Variants in ZNF140 observed in about 807,000 individuals in gnomAD.
ZNF140 encodes zinc finger protein 140 (clone pHZ-39).
Under a neutral mutation model 12.9 loss-of-function variants are expected in ZNF140, and 13 were observed. The observed-to-expected ratio is 1.01, with a 90% CI of 0.66 to 1.60. The LOEUF is 1.60. ZNF140 is among the 40% of genes most tolerant of loss of function. ZNF140 has a pLI of 0.00. For missense variants in ZNF140, 531 were observed against 548.8 expected, an observed-to-expected ratio of 0.97 and a Z score of 0.32; for synonymous variants, 214 against 186.7, an observed-to-expected ratio of 1.15 and a Z score of -1.19.
chr12:133,092,219 A>G (rs1954916248), intron 4 of ZNF140, among the ~76,000 whole-genome samples: 1 of 151,242 alleles, frequency 6.6e-6, no homozygotes, highest in East Asian at 1.9e-4. Context: ...AGATTTAGTT[A>G]GAACTCCTTT....
chr12:133,083,445 T>G, intron 3 of ZNF140, 21 bp from the exon 4 acceptor site: 1 of 1,602,430 alleles, frequency 6.2e-7, no homozygotes, highest in Non-Finnish European at 8.5e-7. Flanking sequence ...ATCTTGAATT[T>G]ATTTCATTTT....
intron 4 of ZNF140, among the ~76,000 whole-genome samples, chr12:133,096,812 C>T (rs1330827617): frequency 2.0e-5 from 3 of 152,166 alleles, no homozygotes; most frequent in Non-Finnish European, 4.4e-5. Flanking sequence ...TCGTGAATGT[C>T]TTGGGAATTG....
At chr12:133,095,049 TG>T (rs1955019993) in intron 4 of ZNF140, among the ~76,000 whole-genome samples, 1 of 151,126 alleles carries the variant, frequency 6.6e-6, no homozygotes, top group African/African-American at 2.5e-5. Flanking sequence ...TAACTTCTTC[TG>T]TTTGAAATGG....
In ZNF140 at chr12:133,105,586, C is replaced by A; in HGVS notation, c.309C>A (p.Ile103=). The A allele has an allele frequency of 1.2e-6, 2 of 1,614,030 alleles. No individual in the cohort carries two copies. Among genetic ancestry groups the A allele is most frequent in the Non-Finnish European group, 1.7e-6 (2 of 1,180,012 alleles). ...VIYDDSSQYL[I]MERILSQGPV... ...ATGATGACTCATCCCAGTATTTGAT[C>A]ATGGAAAGAATTCTAAGTCAAGGCC... is the stretch of plus-strand genomic sequence containing the variant. Residue 103 remains isoleucine (I), a synonymous_variant, in exon 5 of 5, where the codon ATC becomes ATA. Coordinates refer to ENST00000355557, the MANE Select transcript of ZNF140 (RefSeq NM_003440.4).
At chr12:133,100,995 A>G (rs1955327082) in intron 4 of ZNF140, 1 of 455,004 alleles carries the variant, frequency 2.2e-6, no homozygotes, top group South Asian at 1.6e-5. Flanking sequence ...AGGTAACTGA[A>G]GTGGTGAAAA....
rs373143409 is a variant in ZNF140 at position 133,093,146 on chromosome 12, A to G, written c.232+9585A>G. On this transcript the variant is annotated intron_variant, in intron 4 of 4. Coordinates refer to ENST00000355557, the MANE Select transcript of ZNF140 (RefSeq NM_003440.4). ...AGGAGGATAATGATACCCAATGGAA[A>G]TGTTTATCATCATTCCTTCTTCAGG... 4.0e-3 allele frequency among the ~76,000 whole-genome samples: 603 copies of G among 151,266 alleles called. 37 individuals carry two copies. The highest frequency in any genetic ancestry group is 0.014 in the African/African-American group (555 of 40,894).
At chr12:133,083,594 T>A in intron 4 of ZNF140, 33 bp downstream of exon 4, 1 of 1,570,756 alleles carries the variant, frequency 6.4e-7, no homozygotes, top group Non-Finnish European at 8.7e-7. Flanking sequence ...GGGAAATTTT[T>A]TAAAACCACT....
intron 4 of ZNF140, among the ~76,000 whole-genome samples, chr12:133,100,366 C>T (rs1375676636): frequency 6.6e-6 from 1 of 151,882 alleles, no homozygotes; most frequent in East Asian, 1.9e-4. Context: ...ATGGGTGCTC[C>T]ATATCTTGCC....
rs1035266288 is a variant in ZNF140, at chr12:133,083,176, G to C, written c.83G>C (p.Arg28Thr). 6 of 1,614,202 alleles carry C rather than the reference G, an allele frequency of 3.7e-6. No homozygotes were observed. The highest frequency in any genetic ancestry group is 4.2e-6 in the Non-Finnish European group (5 of 1,180,026). The change falls in exon 3 of 5, where the codon AGA becomes ACA. Residue 28 changes from arginine (R) to threonine (T), a missense_variant. Coordinates refer to ENST00000355557, the MANE Select transcript of ZNF140 (RefSeq NM_003440.4). ...TGGAAATGGCTTCAGCCTGCTCAAA[G>C]AGATTTGTACAGATGTGTAATGTTG... is the stretch of plus-strand genomic sequence containing the variant. ...EEWKWLQPAQ[R>T]DLYRCVMLEN...
Position 133,100,160 on chromosome 12 carries a change from G to GTTTTTTT in ZNF140, c.233-5329_233-5323dup, listed in dbSNP as rs58610589. On this transcript the variant is annotated intron_variant, in intron 4 of 4. Transcript: ENST00000355557. Reference sequence around the variant, plus strand: ...CATCCAAAAATTTAATGCCTTTTCCGTTTTTTTTTTTTTTTTTTTTTTTTT... The same window carrying GTTTTTTT: ...CATCCAAAAATTTAATGCCTTTTCCGTTTTTTTTTTTTTTTTTTTTTTTTTTTTTTTT... 1.2e-3 allele frequency among the ~76,000 whole-genome samples: 73 copies of GTTTTTTT among 60,982 alleles called. 7 individuals are homozygous for GTTTTTTT. The highest frequency in any genetic ancestry group is 2.5e-3 in the African/African-American group (31 of 12,636). The allele number at this position is 60,982 out of a possible 152,430, so 40.0% of individuals were successfully genotyped here. A position where few individuals can be genotyped will look rare whatever the true frequency, so the allele number is the denominator to read the frequency against.
At chr12:133,094,580 T>G (rs2137533386) in intron 4 of ZNF140, among the ~76,000 whole-genome samples, 1 of 151,166 alleles carries the variant, frequency 6.6e-6, no homozygotes, top group East Asian at 1.9e-4. Flanking sequence ...GTGGAACACA[T>G]CCTATTTAAA....
chr12:133,095,831 A>C (rs1341662385), intron 4 of ZNF140, among the ~76,000 whole-genome samples: 1 of 152,154 alleles, frequency 6.6e-6, no homozygotes, highest in African/African-American at 2.4e-5. Flanking sequence ...CAAACATCTC[A>C]GCGGAGTAAA....
chr12:133,096,207 A>G lies in ZNF140; in HGVS notation c.233-9303A>G, dbSNP rs769180652. 2.4e-4 allele frequency among the ~76,000 whole-genome samples: 36 copies of G among 152,022 alleles called. 1 individual carries two copies. Among genetic ancestry groups the G allele is most frequent in the Non-Finnish European group, 4.9e-4 (33 of 67,902 alleles). The stretch of plus-strand genomic sequence containing the variant: ...TGCCCCTGGTTTATTGAGACTAGAG[A>G]ATGGCGATGACTTTTACCAAGTATA... On this transcript the variant is annotated intron_variant, in intron 4 of 4. Coordinates refer to ENST00000355557, the MANE Select transcript of ZNF140 (RefSeq NM_003440.4).
chr12:133,081,641 G>C (rs1276364007), intron 2 of ZNF140: 1 of 449,384 alleles, frequency 2.2e-6, no homozygotes, highest in Non-Finnish European at 4.5e-6. Flanking sequence ...TACATGAAGA[G>C]AGTGACAGGA....
intron 4 of ZNF140, among the ~76,000 whole-genome samples, chr12:133,101,332 T>A (rs1955337739): frequency 6.6e-6 from 1 of 152,196 alleles, no homozygotes; most frequent in African/African-American, 2.4e-5. Context: ...AGTTCTTGGA[T>A]AATCTGTTCC....
At chr12:133,102,721 C>G (rs1252846005) in intron 4 of ZNF140, among the ~76,000 whole-genome samples, 1 of 149,194 alleles carries the variant, frequency 6.7e-6, no homozygotes, top group Admixed American at 6.7e-5. Context: ...TGGACCCCAG[C>G]CTGGGTGACA....
chr12:133,098,118 G>C (rs565364222), intron 4 of ZNF140, among the ~76,000 whole-genome samples: 1 of 152,044 alleles, frequency 6.6e-6, no homozygotes, highest in Non-Finnish European at 1.5e-5. Context: ...ACAGGCGTGA[G>C]CCTACGCACC....
At chr12:133,091,132 C>G (rs113875103) in intron 4 of ZNF140, among the ~76,000 whole-genome samples, 1 of 148,974 alleles carries the variant, frequency 6.7e-6, no homozygotes, top group Non-Finnish European at 1.5e-5. Context: ...GGCTGGGGGA[C>G]GGTCAGGTCT....
At chr12:133,082,993 T>A (rs1954553875) in intron 2 of ZNF140, 110 bp from the exon 3 acceptor site, 6 of 1,514,178 alleles carry the variant, frequency 4.0e-6, no homozygotes, top group Non-Finnish European at 4.5e-6. Context: ...CTCTCACTGT[T>A]ACTACTTAGA....
Sources: allele counts gnomAD v4.1 joint callset (sites outside exome capture counted in the v4.1 genomes callset), GRCh38; gene constraint gnomAD v4.1.1; transcripts MANE v1.5; gene names NCBI Gene and HGNC (gene_info 2026-07-23, HGNC 2026-07-21).